JADE3: variants seen among roughly 807,000 people sequenced by gnomAD.
JADE3 encodes protein Jade-3.
A neutral mutation model predicts 50.1 loss-of-function variants in JADE3; 2 were observed. The observed-to-expected ratio is 0.04, with a 90% CI of 0.02 to 0.13. The LOEUF (loss-of-function observed/expected upper bound fraction) is 0.13. JADE3 is among the 10% of genes least tolerant of loss of function. JADE3 has a pLI of 1.00. For synonymous variants in JADE3, 218 were observed against 232.9 expected (o/e 0.94, Z 0.58); for missense variants, 475 against 634.4 (o/e 0.75, Z 2.70).
chrX:46,966,228 C>A (rs1556349003), intron 1 of JADE3, among the ~76,000 whole-genome samples: 3 of 112,184 alleles, frequency 2.7e-5, no homozygotes, highest in Non-Finnish European at 3.8e-5. Flanking sequence ...GTAGGAAGAA[C>A]TAGTGGAAAA....
chrX:47,006,314 T>C (rs925940185), intron 4 of JADE3, among the ~76,000 whole-genome samples: 4 of 110,739 alleles, frequency 3.6e-5, no homozygotes, highest in East Asian at 5.6e-4. Flanking sequence ...GACAGGGTCT[T>C]ACTCTGTCAC....
intron 1 of JADE3, among the ~76,000 whole-genome samples, chrX:46,944,820 A>T (rs1166192314): frequency 6.3e-5 from 7 of 110,406 alleles, no homozygotes; most frequent in Admixed American, 2.9e-4. Context: ...TGTACTATTC[A>T]TGCATATGTA....
chrX:46,949,390 A>G (rs905830293), intron 1 of JADE3, among the ~76,000 whole-genome samples: 2 of 112,055 alleles, frequency 1.8e-5, no homozygotes, highest in African/African-American at 6.5e-5. Flanking sequence ...TAGCTGGGTC[A>G]TAGGGTGTGC....
At position 47,012,439 on chromosome X, in the gene JADE3, G is replaced by A. The variant is rs188390206; in HGVS notation, c.285-12285G>A. 2.7e-5 allele frequency among the ~76,000 whole-genome samples: 3 copies of A among 110,687 alleles called. No homozygotes were observed. The East Asian group carries it at 8.5e-4, about 31-fold the overall frequency. Reference sequence around the variant, plus strand: ...TCTACAAAAAATAAAAAATTAGCTAGCCATGGTGGCGCATACCTATAGTCC... The same window carrying A: ...TCTACAAAAAATAAAAAATTAGCTAACCATGGTGGCGCATACCTATAGTCC... On this transcript the variant is annotated intron_variant, in intron 4 of 10. Transcript: ENST00000614628.
At chrX:46,994,048 G>A (rs1428782816) in intron 3 of JADE3, among the ~76,000 whole-genome samples, 1 of 111,826 alleles carries the variant, frequency 8.9e-6, no homozygotes, top group Non-Finnish European at 1.9e-5. Flanking sequence ...TTATTCACAC[G>A]GACCAGACAG....
intron 1 of JADE3, among the ~76,000 whole-genome samples, chrX:46,947,535 T>C (rs1274810490): frequency 9.0e-6 from 1 of 111,724 alleles, no homozygotes; most frequent in East Asian, 2.8e-4. Flanking sequence ...TTTACTAAAC[T>C]GTAGTCATAT....
intron 7 of JADE3, among the ~76,000 whole-genome samples, chrX:47,035,001 A>G (rs1271082522): frequency 2.7e-5 from 3 of 110,851 alleles, no homozygotes; most frequent in African/African-American, 9.8e-5. Context: ...ATTTTTTATC[A>G]TTATCTAGCC....
chrX:46,962,416 G>A lies in JADE3; in HGVS notation c.-11-22468G>A, dbSNP rs782202491. Among the ~76,000 whole-genome samples the A allele has an allele frequency of 5.4e-5, 6 of 111,763 alleles. No homozygotes were observed. In the East Asian group the frequency reaches 8.4e-4, roughly 16 times the overall value. ...CAACATTCTGGAATCCTGGTTCGCC[G>A]TGTACAAATGGCACATGAAAAGAGG... is the stretch of plus-strand genomic sequence containing the variant. On this transcript the variant is annotated intron_variant, in intron 1 of 10. Transcript: ENST00000614628.
rs782457695 is a variant in JADE3 at position 47,059,086 on chromosome X, T to A, written c.*9T>A. On this transcript the variant is annotated 3_prime_UTR_variant, in exon 11 of 11. Coordinates refer to ENST00000614628, the MANE Select transcript of JADE3 (RefSeq NM_014735.5). The stretch of plus-strand genomic sequence containing the variant: ...GTTCAATGCAAAGGTGATTAGAAAC[T>A]TCCAAGGATGACCCAACCTTTGCCT... 1 of 1,154,590 alleles carries A rather than the reference T, an allele frequency of 8.7e-7. No homozygotes were observed. The highest frequency in any genetic ancestry group is 1.8e-5 in the African/African-American group (1 of 56,049).
At chrX:46,954,621 C>G (rs1927075541) in intron 1 of JADE3, among the ~76,000 whole-genome samples, 1 of 111,321 alleles carries the variant, frequency 9.0e-6, no homozygotes, top group Non-Finnish European at 1.9e-5. Flanking sequence ...GTGGTGCGAT[C>G]TCGGCTCGCT....
chrX:46,983,633 T>C (rs1164520492), intron 1 of JADE3, among the ~76,000 whole-genome samples: 1 of 111,745 alleles, frequency 8.9e-6, no homozygotes, highest in Non-Finnish European at 1.9e-5. Flanking sequence ...TACTGTACTC[T>C]GGCATGAGAT....
intron 2 of JADE3, 43 bp downstream of exon 2, chrX:46,984,983 T>A (rs1927832053): frequency 1.9e-6 from 2 of 1,050,521 alleles, no homozygotes; most frequent in Non-Finnish European, 2.7e-6. Flanking sequence ...TCTATCTATA[T>A]CCCTTGAGGA....
intron 8 of JADE3, among the ~76,000 whole-genome samples, chrX:47,044,056 G>T (rs909165481): frequency 2.7e-5 from 3 of 111,200 alleles, no homozygotes; most frequent in Admixed American, 9.6e-5. Flanking sequence ...GCAAATCTAA[G>T]AATGACTGGC....
At chrX:46,914,951 G>A (rs1351603458) in intron 1 of JADE3, among the ~76,000 whole-genome samples, 1 of 112,342 alleles carries the variant, frequency 8.9e-6, no homozygotes, top group Non-Finnish European at 1.9e-5. Context: ...ATGGATTGGT[G>A]AAAGTTAAAG....
At chrX:47,013,436 T>C (rs1485275329) in intron 4 of JADE3, among the ~76,000 whole-genome samples, 1 of 112,302 alleles carries the variant, frequency 8.9e-6, no homozygotes, top group Non-Finnish European at 1.9e-5. Flanking sequence ...AAGGGAACTT[T>C]TTAAAAGTTA....
At chrX:47,037,214 A>T (rs1929153632) in intron 7 of JADE3, among the ~76,000 whole-genome samples, 1 of 110,996 alleles carries the variant, frequency 9.0e-6, no homozygotes, top group Admixed American at 9.6e-5. Flanking sequence ...GGGTAAGCTC[A>T]TGATAGTTAT....
chrX:46,924,814 C>T (rs1174833504), intron 1 of JADE3, among the ~76,000 whole-genome samples: 1 of 112,143 alleles, frequency 8.9e-6, no homozygotes, highest in Non-Finnish European at 1.9e-5. Context: ...CATTAGCACT[C>T]AGTAATTTGC....
chrX:46,991,384 A>G (rs1556355915), intron 3 of JADE3, among the ~76,000 whole-genome samples: 1 of 109,183 alleles, frequency 9.2e-6, no homozygotes, highest in African/African-American at 3.3e-5. Flanking sequence ...GCACCTGGCC[A>G]CTTCATTTCT....
At chrX:47,026,786 CTTA>C (rs1440339452) in intron 5 of JADE3, among the ~76,000 whole-genome samples, 47 of 111,633 alleles carry the variant, frequency 4.2e-4, no homozygotes, top group African/African-American at 1.4e-3. Context: ...CAGTGGGTTT[CTTA>C]TTATTATACT....
Sources: allele counts gnomAD v4.1 joint callset (sites outside exome capture counted in the v4.1 genomes callset), GRCh38; gene constraint gnomAD v4.1.1; transcripts MANE v1.5; gene names NCBI Gene and HGNC (gene_info 2026-07-23, HGNC 2026-07-21).